KAZN: variants seen among roughly 807,000 people sequenced by gnomAD.
The protein encoded by KAZN is kazrin.
A neutral mutation model predicts 87.4 loss-of-function variants in KAZN; 40 were observed. That is an observed-to-expected ratio of 0.46 (90% CI 0.36 to 0.60). KAZN has a LOEUF of 0.60. Among genes scored for constraint, KAZN ranks in the 20% least tolerant of loss-of-function variants. KAZN has a pLI of 0.00. For synonymous variants in KAZN, 466 were observed against 458.3 expected, an observed-to-expected ratio of 1.02 and a Z score of -0.22; for missense variants, 898 against 1,073.9, an observed-to-expected ratio of 0.84 and a Z score of 2.29.
chr1:14,328,005 G>T (rs1656563645), intron 2 of KAZN, among the ~76,000 whole-genome samples: 1 of 152,118 alleles, frequency 6.6e-6, no homozygotes, highest in East Asian at 1.9e-4. Flanking sequence ...TTTTTCTTAT[G>T]AATATTGTAT....
chr1:14,318,241 G>A (rs950613604), intron 2 of KAZN, among the ~76,000 whole-genome samples: 1 of 152,014 alleles, frequency 6.6e-6, no homozygotes, highest in Non-Finnish European at 1.5e-5. Context: ...TGTAACACAA[G>A]CCTTTCAGTG....
At chr1:15,031,849 A>G (rs13374758) in intron 2 of KAZN, among the ~76,000 whole-genome samples, 122,753 of 152,128 alleles carry the variant, frequency 0.81, 49,849 homozygotes, top group Admixed American at 0.86. Context: ...GGACTCAAGC[A>G]ATCCTCCTGG....
intron 1 of KAZN, among the ~76,000 whole-genome samples, chr1:14,156,343 A>G (rs1189876074): frequency 6.6e-6 from 1 of 152,220 alleles, no homozygotes; most frequent in East Asian, 1.9e-4. Flanking sequence ...GTAAATATCC[A>G]TGAAGCCCAT....
intron 1 of KAZN, among the ~76,000 whole-genome samples, chr1:13,915,264 A>G (rs1266907026): frequency 6.6e-6 from 1 of 152,222 alleles, no homozygotes; most frequent in African/African-American, 2.4e-5. Flanking sequence ...TGGGTGGATG[A>G]CACACTGCCT....
At chr1:14,367,428 C>T (rs1660100060) in intron 2 of KAZN, among the ~76,000 whole-genome samples, 2 of 152,084 alleles carry the variant, frequency 1.3e-5, no homozygotes, top group African/African-American at 4.8e-5. Context: ...CTCCTCTTCT[C>T]TCTGATGGAG....
intron 8 of KAZN, among the ~76,000 whole-genome samples, chr1:15,070,684 G>A (rs186959524): frequency 1.6e-4 from 25 of 152,264 alleles, no homozygotes; most frequent in Middle Eastern, 6.8e-3. Flanking sequence ...ATACCTCTGG[G>A]CCAAAAGTTA....
chr1:14,077,531 G>C (rs1643508951), intron 1 of KAZN, among the ~76,000 whole-genome samples: 1 of 152,090 alleles, frequency 6.6e-6, no homozygotes, highest in Admixed American at 6.5e-5. Context: ...ATTCAATTGG[G>C]GTTGGATTGC....
intron 2 of KAZN, among the ~76,000 whole-genome samples, chr1:14,351,391 C>T (rs1369816485): frequency 6.6e-6 from 1 of 152,180 alleles, no homozygotes; most frequent in Non-Finnish European, 1.5e-5. Context: ...TGGTGAAACC[C>T]CATCTCTACT....
chr1:14,282,930 T>G lies in KAZN; in HGVS notation c.249+102338T>G, dbSNP rs1049600540. Reference sequence around the variant, plus strand: ...GAGGATCACCTTGCAAGGAGTGGAGTGCTGTTTCTGTAATTTCCCCGTGGA... The same window carrying G: ...GAGGATCACCTTGCAAGGAGTGGAGGGCTGTTTCTGTAATTTCCCCGTGGA... On this transcript the variant is annotated intron_variant, in intron 2 of 16. Coordinates refer to the KAZN transcript ENST00000636203. 2.0e-5 allele frequency among the ~76,000 whole-genome samples: 3 copies of G among 151,896 alleles called. No individual in the cohort carries two copies. The East Asian group carries it at 5.8e-4, about 29-fold the overall frequency.
intron 1 of KAZN, among the ~76,000 whole-genome samples, chr1:14,825,193 C>T (rs1322934610): frequency 2.6e-5 from 4 of 152,214 alleles, no homozygotes; most frequent in Admixed American, 6.5e-5. Flanking sequence ...CCTGAGGCCG[C>T]GAAGGCACAG....
intron 2 of KAZN, among the ~76,000 whole-genome samples, chr1:14,449,327 G>A (rs553679521): frequency 1.3e-5 from 2 of 152,204 alleles, no homozygotes; most frequent in Admixed American, 6.5e-5. Context: ...CTTGTATCTG[G>A]CCTTATCCAC....
chr1:14,825,478 T>G (rs912938291), intron 1 of KAZN, among the ~76,000 whole-genome samples: 2 of 152,108 alleles, frequency 1.3e-5, no homozygotes, highest in Non-Finnish European at 2.9e-5. Context: ...ATGTTGTATG[T>G]AAAAGAGCTG....
chr1:13,955,654 T>C (rs1195265442), intron 1 of KAZN, among the ~76,000 whole-genome samples: 1 of 152,160 alleles, frequency 6.6e-6, no homozygotes, highest in African/African-American at 2.4e-5. Flanking sequence ...AAACCACAGG[T>C]GTGTGAGCCT....
intron 1 of KAZN, among the ~76,000 whole-genome samples, chr1:14,876,289 G>A (rs966801609): frequency 3.3e-4 from 50 of 152,196 alleles, no homozygotes; most frequent in Admixed American, 6.5e-5. Flanking sequence ...TGGTAGCTGC[G>A]TTTATTACAT....
At chr1:14,584,035 G>C (rs928957850) in intron 2 of KAZN, among the ~76,000 whole-genome samples, 1 of 152,188 alleles carries the variant, frequency 6.6e-6, no homozygotes, top group African/African-American at 2.4e-5. Context: ...TGTTGGGGCA[G>C]GGATGTGTTG....
At chr1:14,383,985 T>A (rs971176218) in intron 2 of KAZN, among the ~76,000 whole-genome samples, 9 of 152,120 alleles carry the variant, frequency 5.9e-5, no homozygotes, top group Admixed American at 4.6e-4. Context: ...TCCTCTTTTA[T>A]TTCCTTCAGC....
At chr1:14,680,304 G>T (rs1343501186) in intron 1 of KAZN, among the ~76,000 whole-genome samples, 1 of 152,072 alleles carries the variant, frequency 6.6e-6, no homozygotes, top group Non-Finnish European at 1.5e-5. Flanking sequence ...CTCCTTCCCA[G>T]TCCGTTCCTA....
intron 2 of KAZN, among the ~76,000 whole-genome samples, chr1:14,265,221 T>C (rs1651381779): frequency 6.6e-6 from 1 of 152,196 alleles, no homozygotes; most frequent in Admixed American, 6.5e-5. Context: ...CTAACACTAT[T>C]GTGGCTGAAG....
chr1:14,727,260 G>A (rs1038758106), intron 1 of KAZN, among the ~76,000 whole-genome samples: 11 of 151,972 alleles, frequency 7.2e-5, no homozygotes, highest in African/African-American at 2.2e-4. Context: ...GGCCTTGGAC[G>A]TGAACCCAGG....
Sources: gnomAD v4.1 joint callset for allele counts (sites outside exome capture counted in the v4.1 genomes callset) on GRCh38, gnomAD v4.1.1 for gene constraint, MANE v1.5 for transcripts, NCBI Gene and HGNC (gene_info 2026-07-23, HGNC 2026-07-21) for gene names.